Variants in PAK3 observed in about 807,000 individuals in gnomAD.
PAK3 encodes the protein serine/threonine-protein kinase PAK 3.
A neutral mutation model predicts 41.0 loss-of-function variants in PAK3; 4 were observed. The observed-to-expected ratio is 0.10, with a 90% CI of 0.05 to 0.22. The LOEUF (loss-of-function observed/expected upper bound fraction) is 0.22. PAK3 is among the 10% of genes least tolerant of loss of function. The pLI, the probability that PAK3 is intolerant of heterozygous loss-of-function variation, is 1.00. For synonymous variants in PAK3, 146 were observed against 139.6 expected (o/e 1.05, Z -0.32); for missense variants, 205 against 409.9 (o/e 0.50, Z 4.32).
chrX:111,085,912 G>A (rs189723542), intron 1 of PAK3, among the ~76,000 whole-genome samples: 1 of 112,218 alleles, frequency 8.9e-6, no homozygotes, highest in East Asian at 2.8e-4. Context: ...TTGGGCTTTG[G>A]GGTATCTGGG....
chrX:111,012,277 G>A (rs2092022333), intron 1 of PAK3, among the ~76,000 whole-genome samples: 1 of 112,012 alleles, frequency 8.9e-6, no homozygotes. Context: ...CAGTTAAGCA[G>A]ATTTCATTTG....
Position 111,164,406 on chromosome X carries a change from A to T in PAK3, c.766+679A>T, listed in dbSNP as rs3795190. Among the ~76,000 whole-genome samples, 8 of 111,439 alleles carry T rather than the reference A, an allele frequency of 7.2e-5. No homozygotes were observed. The East Asian group carries it at 2.3e-3, about 32-fold the overall frequency. ...AACAAATTGCTAGATATCAGCAATA[A>T]GTGCCCCCCCCAACCCCAGTTTGAC... On this transcript the variant is annotated intron_variant, in intron 10 of 17. Transcript: ENST00000372007.
At chrX:111,015,398 G>C (rs1311186283) in intron 1 of PAK3, among the ~76,000 whole-genome samples, 1 of 111,165 alleles carries the variant, frequency 9.0e-6, no homozygotes. Context: ...TGAATATGCT[G>C]CTATAAACAT....
rs2094075348 is a variant in PAK3, at chrX:111,154,477, T to G, written c.468+2030T>G. On this transcript the variant is annotated intron_variant, in intron 8 of 17. Transcript: ENST00000372007. The stretch of plus-strand genomic sequence containing the variant: ...AAAAATAGTACTTACCTCCTACGTC[T>G]TGTGTGAATATTAAATGTGATAATG... Among the ~76,000 whole-genome samples the G allele has an allele frequency of 2.7e-5, 3 of 111,680 alleles. No homozygotes were observed. In the South Asian group the frequency reaches 1.1e-3, roughly 42 times the overall value.
At chrX:111,219,293 T>A (rs999256365) in intron 17 of PAK3, among the ~76,000 whole-genome samples, 1 of 108,795 alleles carries the variant, frequency 9.2e-6, no homozygotes, top group Non-Finnish European at 1.9e-5. Context: ...CTTATTGCAT[T>A]TAGAACATAA....
chrX:110,973,689 G>A (rs145229154), intron 1 of PAK3, among the ~76,000 whole-genome samples: 2,395 of 111,882 alleles, frequency 0.021, 64 homozygotes, highest in African/African-American at 0.073. Flanking sequence ...ACATCATAAT[G>A]ACAGGATCAA....
At chrX:111,091,995 G>A (rs1272459853), upstream of PAK3, among the ~76,000 whole-genome samples, 2 of 111,529 alleles carry the variant, frequency 1.8e-5, no homozygotes, top group Non-Finnish European at 3.8e-5. Flanking sequence ...GCAGGGGTGG[G>A]AAGGGAGCAA....
chrX:111,067,092 C>A (rs893830327), intron 1 of PAK3, among the ~76,000 whole-genome samples: 1 of 111,512 alleles, frequency 9.0e-6, no homozygotes, highest in African/African-American at 3.2e-5. Flanking sequence ...TTTATATAGC[C>A]ATATTGTTTG....
chrX:110,957,336 A>G (rs2090883006), intron 1 of PAK3, among the ~76,000 whole-genome samples: 1 of 112,117 alleles, frequency 8.9e-6, no homozygotes, highest in Admixed American at 9.4e-5. Flanking sequence ...AGTGCTTACC[A>G]TGTGCTAGGC....
chrX:111,133,367 G>A (rs974759135), intron 5 of PAK3, among the ~76,000 whole-genome samples: 2 of 111,634 alleles, frequency 1.8e-5, no homozygotes, highest in African/African-American at 3.3e-5. Context: ...CCTCCAGTAA[G>A]CCCTGACTGT....
intron 8 of PAK3, among the ~76,000 whole-genome samples, chrX:111,156,614 C>T (rs935157126): frequency 2.7e-5 from 3 of 111,989 alleles, no homozygotes; most frequent in Non-Finnish European, 5.6e-5. Flanking sequence ...TTTAATGGGT[C>T]TGACAACCCC....
chrX:111,124,535 G>A (rs1314005220), intron 5 of PAK3, among the ~76,000 whole-genome samples: 2 of 112,082 alleles, frequency 1.8e-5, no homozygotes, highest in Non-Finnish European at 3.8e-5. Context: ...TCAGGAAGTG[G>A]CTGAAGAAGG....
intron 5 of PAK3, among the ~76,000 whole-genome samples, chrX:111,133,624 G>A (rs1344865246): frequency 3.6e-5 from 4 of 112,078 alleles, no homozygotes; most frequent in South Asian, 7.5e-4. Context: ...AGGAAAGGAA[G>A]CTGGGACAGT....
At chrX:111,028,005 GTA>G (rs1383865345) in intron 1 of PAK3, among the ~76,000 whole-genome samples, 3 of 104,301 alleles carry the variant, frequency 2.9e-5, no homozygotes, top group African/African-American at 1.1e-4. Context: ...GTGTGTGTGT[GTA>G]TATATATATA....
intron 1 of PAK3, among the ~76,000 whole-genome samples, chrX:110,994,077 C>T (rs1217601849): frequency 1.8e-5 from 2 of 112,118 alleles, no homozygotes; most frequent in Non-Finnish European, 3.8e-5. Flanking sequence ...TAATTTATCT[C>T]ATCAATCTCA....
chrX:111,047,533 C>T (rs1321066401), intron 1 of PAK3, among the ~76,000 whole-genome samples: 1 of 110,726 alleles, frequency 9.0e-6, no homozygotes, highest in African/African-American at 3.3e-5. Context: ...ACAGGTAGAA[C>T]TGAGGGCAAA....
At chrX:111,035,151 GAAAGGAAGA>G (rs2092385658) in intron 1 of PAK3, among the ~76,000 whole-genome samples, 1 of 24,226 alleles carries the variant, frequency 4.1e-5, no homozygotes, top group Non-Finnish European at 1.6e-4. Context: ...AAGAAAGAAA[GAAAGGAAGA>G]AAGAAAGAAA....
chrX:111,185,719 G>A (rs1351011633), intron 11 of PAK3, among the ~76,000 whole-genome samples: 1 of 111,042 alleles, frequency 9.0e-6, no homozygotes, highest in Admixed American at 9.6e-5. Flanking sequence ...TATTCCATTG[G>A]TCTATGTTTC....
chrX:110,981,669 C>T (rs1182595062), intron 1 of PAK3, among the ~76,000 whole-genome samples: 1 of 109,955 alleles, frequency 9.1e-6, no homozygotes, highest in Admixed American at 9.7e-5. Flanking sequence ...TACATTTATC[C>T]TTTCTACTAA....
Sources: gnomAD v4.1 joint callset for allele counts (sites outside exome capture counted in the v4.1 genomes callset) on GRCh38, gnomAD v4.1.1 for gene constraint, MANE v1.5 for transcripts, NCBI Gene and HGNC (gene_info 2026-07-23, HGNC 2026-07-21) for gene names.